DHRS2: variants seen among roughly 807,000 people sequenced by gnomAD.
DHRS2 encodes the protein dehydrogenase/reductase 2, also known as dehydrogenase/reductase SDR family member 2, mitochondrial.
DHRS2 carries 29 observed loss-of-function variants against 26.3 expected under a neutral mutation model. That is an observed-to-expected ratio of 1.10 (90% CI 0.82 to 1.50). The LOEUF (loss-of-function observed/expected upper bound fraction) is 1.50, where lower values mean the gene tolerates loss of function less well. DHRS2 is among the 40% of genes most tolerant of loss of function. The pLI is 0.00. For synonymous variants in DHRS2, 164 were observed against 151.3 expected (o/e 1.08, Z -0.62); for missense variants, 439 against 367.1 (o/e 1.20, Z -1.60).
chr14:23,637,926 G>A (rs1890415088), intron 1 of DHRS2: 1 of 152,150 alleles, frequency 6.6e-6, no homozygotes. Context: ...GCCAGATAAG[G>A]GAATAAAAGC....
At chr14:23,637,459 G>C (rs372813140) in intron 1 of DHRS2, among the ~76,000 whole-genome samples, 1 of 152,110 alleles carries the variant, frequency 6.6e-6, no homozygotes, top group African/African-American at 2.4e-5. Context: ...CTCAGAAATT[G>C]TATCCTTCCT....
chr14:23,639,815 G>A lies in DHRS2; in HGVS notation c.340G>A (p.Val114Ile), dbSNP rs146408773. The A allele has an allele frequency of 6.7e-5, 107 of 1,608,578 alleles. No individual in the cohort carries two copies. Among genetic ancestry groups the A allele is most frequent in the Middle Eastern group, 1.7e-4 (1 of 6,042 alleles). ...GCAGGCCCTGGAGCACTGTGGGGGC[G>A]TCGACTTCCTGGTGTGCAGCGCAGG... ...VAKALEHCGG[V>I]DFLVCSAGVN... Residue 114 changes from valine (V) to isoleucine (I), a missense_variant, in exon 4 of 9, where the codon GTC (valine) becomes ATC (isoleucine). Transcript: ENST00000250383.
chr14:23,630,278 G>A (rs1359451175), intron 1 of DHRS2: 2 of 152,318 alleles, frequency 1.3e-5, no homozygotes, highest in Non-Finnish European at 2.9e-5. Context: ...CAGGCATGAT[G>A]TGGCTCAGGC....
At chr14:23,641,710 G>T (rs1417296741) in intron 4 of DHRS2, 2 of 1,289,706 alleles carry the variant, frequency 1.6e-6, no homozygotes, top group Non-Finnish European at 2.0e-6. Flanking sequence ...ACCACTTCTT[G>T]CAGTCATTGG....
At chr14:23,640,827 A>C (rs571186313) in intron 4 of DHRS2, 1 of 152,404 alleles carries the variant, frequency 6.6e-6, no homozygotes, top group Non-Finnish European at 1.5e-5. Flanking sequence ...CCTGCTGAGC[A>C]GCTTCCCCAG....
At chr14:23,638,622 A>C (rs1381195456) in intron 1 of DHRS2, 6 of 480,104 alleles carry the variant, frequency 1.2e-5, no homozygotes, top group African/African-American at 6.0e-5. Context: ...TTAATTTGTG[A>C]ATAATTTCCC....
chr14:23,641,472 T>C, intron 4 of DHRS2: 1 of 541,754 alleles, frequency 1.8e-6, no homozygotes, highest in South Asian at 2.0e-5. Flanking sequence ...GGGGCAGTTT[T>C]CTTCATCAAG....
At chr14:23,636,143 C>G (rs1484877682), upstream of DHRS2, among the ~76,000 whole-genome samples, 1 of 152,172 alleles carries the variant, frequency 6.6e-6, no homozygotes, top group East Asian at 1.9e-4. Flanking sequence ...TTGTGTCTAG[C>G]TAAAGGATTG....
At chr14:23,636,265 T>C (rs1434287788), upstream of DHRS2, 1 of 152,138 alleles carries the variant, frequency 6.6e-6, no homozygotes, top group East Asian at 1.9e-4. Context: ...ATCAGCTCTC[T>C]GTAAAATGGA....
chr14:23,636,583 C>T lies in DHRS2; in HGVS notation c.-228C>T, dbSNP rs1173102207. On this transcript the variant is annotated 5_prime_UTR_variant, in exon 1 of 9. Transcript: ENST00000250383. ...CACCATCTTTAAGAACCGTAATACTCACCGCAAGGGTCTGCAACTTCATTC... is the reference window on the plus strand; with the variant it reads ...CACCATCTTTAAGAACCGTAATACTTACCGCAAGGGTCTGCAACTTCATTC... The T allele has an allele frequency of 2.0e-5, 3 of 152,252 alleles. No homozygotes were observed. The South Asian group carries it at 6.2e-4, about 32-fold the overall frequency. The allele number at this position is 152,252 out of a possible 1,614,324, so 9.4% of individuals were successfully genotyped here. A position where few individuals can be genotyped will look rare whatever the true frequency, so the allele number is the denominator to read the frequency against.
chr14:23,630,514 G>A (rs1890091846), intron 1 of DHRS2, among the ~76,000 whole-genome samples: 1 of 152,238 alleles, frequency 6.6e-6, no homozygotes, highest in African/African-American at 2.4e-5. Flanking sequence ...GGAGGCAAGA[G>A]GGGAACAGAC....
upstream of DHRS2, among the ~76,000 whole-genome samples, chr14:23,634,423 A>C (rs1249907320): frequency 6.6e-6 from 1 of 150,818 alleles, no homozygotes; most frequent in Non-Finnish European, 1.5e-5. Flanking sequence ...GGAAATACCC[A>C]CTCTCCTCAC....
chr14:23,644,236 C>G, intron 6 of DHRS2, 74 bp downstream of exon 6: 2 of 1,582,002 alleles, frequency 1.3e-6, no homozygotes, highest in Non-Finnish European at 1.7e-6. Context: ...CAGAGCCTTA[C>G]AGACAAAGTG....
Position 23,645,445 on chromosome 14 carries a change from T to C in DHRS2, c.*192T>C, listed in dbSNP as rs1890841062. 2 of 1,197,638 alleles carry C rather than the reference T, an allele frequency of 1.7e-6. No individual in the cohort carries two copies. Among genetic ancestry groups the C allele is most frequent in the Non-Finnish European group, 2.3e-6 (2 of 871,968 alleles). 74.2% of individuals were successfully genotyped at this position (1,197,638 alleles called of 1,614,324 possible). A position where few individuals can be genotyped will look rare whatever the true frequency, so the allele number is the denominator to read the frequency against. ...CCTTAGGACTTATCTGCTTGTAGAT[T>C]TGGCTGATCCAATTAACATGTGGGG... is the stretch of plus-strand genomic sequence containing the variant. On this transcript the variant is annotated 3_prime_UTR_variant, in exon 9 of 9. Coordinates refer to ENST00000250383, the MANE Select transcript of DHRS2 (RefSeq NM_005794.4).
chr14:23,644,797 C>G, intron 7 of DHRS2, 30 bp from the exon 8 acceptor site: 1 of 1,613,252 alleles, frequency 6.2e-7, no homozygotes, highest in Non-Finnish European at 8.5e-7. Context: ...TTTAGTAGCA[C>G]TGACTCCTTC....
At chr14:23,640,276 G>A (rs1254196210) in intron 4 of DHRS2, 2 of 987,754 alleles carry the variant, frequency 2.0e-6, no homozygotes, top group African/African-American at 1.7e-5. Flanking sequence ...CTTTTGTAGG[G>A]GAAGATACGG....
upstream of DHRS2, among the ~76,000 whole-genome samples, chr14:23,633,118 C>A (rs1360283126): frequency 6.6e-6 from 1 of 152,224 alleles, no homozygotes; most frequent in Non-Finnish European, 1.5e-5. Flanking sequence ...AGACAAGCAT[C>A]CCTGGCATTT....
intron 4 of DHRS2, chr14:23,640,550 C>G (rs1566702295): frequency 1.8e-6 from 1 of 543,240 alleles, no homozygotes; most frequent in Non-Finnish European, 2.3e-6. Context: ...TCCCTTCACT[C>G]TCATGTTTTG....
At chr14:23,635,032 C>T (rs1322245760), upstream of DHRS2, among the ~76,000 whole-genome samples, 1 of 152,154 alleles carries the variant, frequency 6.6e-6, no homozygotes, top group African/African-American at 2.4e-5. Context: ...GTCAATTAAA[C>T]CTCTTTTCTT....
Sources: allele counts gnomAD v4.1 joint callset (sites outside exome capture counted in the v4.1 genomes callset), GRCh38; gene constraint gnomAD v4.1.1; transcripts MANE v1.5; gene names NCBI Gene and HGNC (gene_info 2026-07-23, HGNC 2026-07-21).